The following VPS41 variants were observed in gnomAD, a reference collection of about 807,000 sequenced individuals.
VPS41 encodes vacuolar protein sorting-associated protein 41 homolog.
In VPS41, 85 loss-of-function variants were observed where a neutral mutation model predicts 130.9. That is an observed-to-expected ratio of 0.65 (90% confidence interval 0.55 to 0.78). VPS41 has a LOEUF of 0.78. Ranked by LOEUF, VPS41 falls within the 30% of genes least tolerant of loss-of-function variation. The pLI is 0.00. For missense variants in VPS41, 874 were observed against 1,018.7 expected, an observed-to-expected ratio of 0.86 and a Z score of 1.93; for synonymous variants, 335 against 332.9, an observed-to-expected ratio of 1.01 and a Z score of -0.07.
At chr7:38,829,732 T>C (rs912620127) in intron 5 of VPS41, among the ~76,000 whole-genome samples, 3 of 152,244 alleles carry the variant, frequency 2.0e-5, no homozygotes, top group African/African-American at 7.2e-5. Flanking sequence ...TTTAGAAAAC[T>C]GTACATATAT....
At position 38,733,900 on chromosome 7, in the gene VPS41, G is replaced by A. The variant is rs546980087; in HGVS notation, c.2260-5109C>T. ...TCAAGCCCAGCCTGGGCAACATAGT[G>A]AGACCCTGTCTCAACAAAGAATTAA... is the stretch of plus-strand genomic sequence containing the variant. On this transcript the variant is annotated intron_variant, in intron 25 of 28. Coordinates refer to ENST00000310301, the MANE Select transcript of VPS41 (RefSeq NM_014396.4). Among the ~76,000 whole-genome samples the A allele has an allele frequency of 2.9e-3, 444 of 152,010 alleles. 1 individual carries two copies. Among genetic ancestry groups the A allele is most frequent in the Non-Finnish European group, 4.8e-3 (328 of 67,952 alleles).
intron 1 of VPS41, among the ~76,000 whole-genome samples, chr7:38,902,952 CTTCT>C (rs1453429723): frequency 4.6e-5 from 7 of 152,196 alleles, no homozygotes; most frequent in Non-Finnish European, 2.9e-5. Context: ...AAGGCTTTGC[CTTCT>C]TTGTCTCCCA....
In VPS41 at chr7:38,897,511, G is replaced by A. The variant is rs536193721; in HGVS notation, c.60+580C>T. ...ATACAAAAAATTAGCTGGGCGTGGC[G>A]GCGGGCGCCTGTAGTCCCAGTTACT... On this transcript the variant is annotated intron_variant, in intron 2 of 28. Transcript: ENST00000310301. Among the ~76,000 whole-genome samples, 17 of 152,146 alleles carry A rather than the reference G, an allele frequency of 1.1e-4. No individual in the cohort carries two copies. In the South Asian group the frequency reaches 1.9e-3, roughly 17 times the overall value.
intron 7 of VPS41, among the ~76,000 whole-genome samples, chr7:38,804,158 T>C (rs757025863): frequency 4.8e-5 from 7 of 147,196 alleles, no homozygotes; most frequent in Non-Finnish European, 1.0e-4. Context: ...GTAAACACCA[T>C]TCCTATGCAA....
intron 2 of VPS41, among the ~76,000 whole-genome samples, chr7:38,883,361 C>G (rs2116387637): frequency 6.6e-6 from 1 of 152,326 alleles, no homozygotes; most frequent in East Asian, 1.9e-4. Context: ...CAGCCACACT[C>G]ACATCCTAGA....
chr7:38,900,256 C>T (rs1293283336), intron 1 of VPS41, among the ~76,000 whole-genome samples: 2 of 151,860 alleles, frequency 1.3e-5, no homozygotes, highest in Non-Finnish European at 2.9e-5. Context: ...GACACTGTCT[C>T]GATTAAAACA....
At chr7:38,866,166 G>A (rs1034472095) in intron 3 of VPS41, among the ~76,000 whole-genome samples, 3 of 152,178 alleles carry the variant, frequency 2.0e-5, no homozygotes, top group Non-Finnish European at 4.4e-5. Flanking sequence ...CCACACTTAT[G>A]GCAGAAAGTG....
At chr7:38,752,075 G>A in intron 22 of VPS41, 101 bp downstream of exon 22, 1 of 1,508,596 alleles carries the variant, frequency 6.6e-7, no homozygotes, top group South Asian at 1.3e-5. Flanking sequence ...CCCTGGAAAG[G>A]GACAGATGAA....
At chr7:38,726,401 G>GCTACCT in intron 28 of VPS41, 75 bp from the exon 29 acceptor site, 1 of 1,165,074 alleles carries the variant, frequency 8.6e-7, no homozygotes, top group Non-Finnish European at 1.3e-6. Flanking sequence ...AAACACTAAG[G>GCTACCT]TAGCGTTAGT....
intron 7 of VPS41, among the ~76,000 whole-genome samples, chr7:38,812,697 T>TA (rs955856028): frequency 2.0e-5 from 3 of 151,926 alleles, no homozygotes; most frequent in Admixed American, 1.3e-4. Context: ...ACTCTATAAT[T>TA]AAAAAAACCC....
At chr7:38,842,624 T>C (rs554774973) in intron 4 of VPS41, among the ~76,000 whole-genome samples, 3 of 152,332 alleles carry the variant, frequency 2.0e-5, no homozygotes, top group African/African-American at 7.2e-5. Flanking sequence ...ACCCAAAAGA[T>C]TCACAAGATT....
At chr7:38,869,092 C>G in intron 3 of VPS41, 54 bp downstream of exon 3, 3 of 1,403,648 alleles carry the variant, frequency 2.1e-6, no homozygotes, top group Non-Finnish European at 1.9e-6. Context: ...AAAGCACAAG[C>G]AAATTTACAA....
chr7:38,801,634 G>GGT (rs1784728020), intron 7 of VPS41, among the ~76,000 whole-genome samples: 1 of 151,998 alleles, frequency 6.6e-6, no homozygotes, highest in South Asian at 2.1e-4. Flanking sequence ...TATGTTTTAT[G>GGT]GTCACACTGG....
intron 7 of VPS41, among the ~76,000 whole-genome samples, chr7:38,800,380 GTGC>G (rs1483446868): frequency 6.6e-6 from 1 of 151,988 alleles, no homozygotes; most frequent in African/African-American, 2.4e-5. Context: ...CGATAAATGC[GTGC>G]TGAAATTTTA....
At chr7:38,878,865 T>A (rs1042409470) in intron 2 of VPS41, among the ~76,000 whole-genome samples, 8 of 152,332 alleles carry the variant, frequency 5.3e-5, no homozygotes, top group Non-Finnish European at 4.4e-5. Context: ...AACATTCCCA[T>A]CATCAGCAGG....
intron 5 of VPS41, among the ~76,000 whole-genome samples, chr7:38,821,716 A>AAG (rs1554293405): frequency 6.6e-6 from 1 of 151,434 alleles, no homozygotes; most frequent in East Asian, 1.9e-4. Context: ...CAAAAAAAAA[A>AAG]AAAAAGAAAA....
intron 1 of VPS41, among the ~76,000 whole-genome samples, chr7:38,904,715 A>T (rs1370909658): frequency 6.6e-6 from 1 of 152,248 alleles, no homozygotes; most frequent in Non-Finnish European, 1.5e-5. Context: ...TATTGATTTG[A>T]TTTTTATTGT....
intron 21 of VPS41, among the ~76,000 whole-genome samples, chr7:38,752,742 T>C (rs1024267918): frequency 2.0e-5 from 3 of 152,162 alleles, no homozygotes; most frequent in Admixed American, 6.5e-5. Context: ...GGCTCAGAAA[T>C]AAAAAGATGA....
At chr7:38,905,308 G>A (rs998998342) in intron 1 of VPS41, among the ~76,000 whole-genome samples, 4 of 152,088 alleles carry the variant, frequency 2.6e-5, no homozygotes, top group African/African-American at 9.7e-5. Context: ...AATACTGTTG[G>A]GCATCTGTGA....
Sources: allele counts gnomAD v4.1 joint callset (sites outside exome capture counted in the v4.1 genomes callset), GRCh38; gene constraint gnomAD v4.1.1; transcripts MANE v1.5; gene names NCBI Gene and HGNC (gene_info 2026-07-23, HGNC 2026-07-21).